The following ANKS1B variants were observed in gnomAD, a reference collection of about 807,000 sequenced individuals.
The protein encoded by ANKS1B is ankyrin repeat and sterile alpha motif domain-containing protein 1B.
Under a neutral mutation model 148.3 loss-of-function variants are expected in ANKS1B, and 36 were observed. The ratio of observed to expected loss-of-function variants is 0.24; its 90% confidence interval spans 0.19 to 0.32. The LOEUF (loss-of-function observed/expected upper bound fraction) is 0.32. Ranked by LOEUF, ANKS1B falls within the 10% of genes least tolerant of loss-of-function variation. The pLI, the probability that ANKS1B is intolerant of heterozygous loss-of-function variation, is 1.00. For synonymous variants in ANKS1B, 542 were observed against 560.8 expected, an observed-to-expected ratio of 0.97 and a Z score of 0.47; for missense variants, 1,157 against 1,542.6, an observed-to-expected ratio of 0.75 and a Z score of 4.19.
At chr12:99,586,083 G>A (rs552942698) in intron 9 of ANKS1B, among the ~76,000 whole-genome samples, 4 of 152,274 alleles carry the variant, frequency 2.6e-5, no homozygotes, top group African/African-American at 9.6e-5. Flanking sequence ...TCATCAGGCT[G>A]CAAATTTTCT....
At position 99,449,892 on chromosome 12, in the gene ANKS1B, CATCTATCTATCTATCTATCT is replaced by C. The variant is rs55765630; in HGVS notation, c.1439-6103_1439-6084del. 4.4e-3 allele frequency among the ~76,000 whole-genome samples: 654 copies of C among 147,968 alleles called. 4 individuals are homozygous for C. Among genetic ancestry groups the C allele is most frequent in the South Asian group, 0.017 (78 of 4,562 alleles). On this transcript the variant is annotated intron_variant, in intron 10 of 26. Transcript: ENST00000683438. ...AGAAATAGGACCAACAGGATCTATC[CATCTATCTATCTATCTATCT>C]ATCTATCTATCTATCTATCTATCTA...
chr12:98,924,530 GTCTC>G (rs145912176), intron 17 of ANKS1B, among the ~76,000 whole-genome samples: 2,035 of 152,164 alleles, frequency 0.013, 50 homozygotes, highest in African/African-American at 0.041. Flanking sequence ...GCCACCCTCT[GTCTC>G]TCTTTTTTGT....
rs2067661240 is a variant in ANKS1B, at chr12:99,806,614, G to A, written c.459C>T (p.Asp153=). 1 of 1,613,838 alleles carries A rather than the reference G, an allele frequency of 6.2e-7. No individual in the cohort carries two copies. Among genetic ancestry groups the A allele is most frequent in the African/African-American group, 1.3e-5 (1 of 74,918 alleles). The change falls in exon 4 of 27, where the codon GAC becomes GAT. Residue 153 remains aspartate, a synonymous_variant. Transcript: ENST00000683438. ...VVAVLLEELT[D]PTIRNSKLET... ...CCAGCTTGCTATTTCTAATTGTCGG[G>A]TCAGTGAGCTCTTCTAGGAGAACAG...
intron 16 of ANKS1B, chr12:99,079,982 C>A (rs2049108012): frequency 6.6e-6 from 1 of 152,298 alleles, no homozygotes; most frequent in African/African-American, 2.4e-5. Flanking sequence ...CACGAAGGGA[C>A]AACTGCGCAT....
intron 9 of ANKS1B, among the ~76,000 whole-genome samples, chr12:99,524,155 T>C (rs868523951): frequency 6.6e-6 from 1 of 152,160 alleles, no homozygotes; most frequent in South Asian, 2.1e-4. Flanking sequence ...CAAGAAAAAG[T>C]ATCCCCTGAA....
At position 99,246,566 on chromosome 12, in the gene ANKS1B, G is replaced by A. The variant is rs2073903523; in HGVS notation, c.2055C>T (p.Thr685=). ...HKKSNQLENH[T]IVGTRSTRSG... ...TCCTGGTTGATCTTGTGCCAACAAT[G>A]GTATGGTTTTCGAGTTGGTTGCTTT... The change falls in exon 13 of 27, where the codon ACC becomes ACT. Residue 685 remains threonine (T), a synonymous_variant. Transcript: ENST00000683438. 1 of 1,613,656 alleles carries A rather than the reference G, an allele frequency of 6.2e-7. No homozygotes were observed. The highest frequency in any genetic ancestry group is 1.3e-5 in the African/African-American group (1 of 74,898).
rs149616342 is a variant in ANKS1B at position 98,785,035 on chromosome 12, C to T, written c.3343-2898G>A. On this transcript the variant is annotated intron_variant, in intron 22 of 26. Transcript: ENST00000683438. ...GTGGGAAATCTTCTGGGTAGAGCCC[C>T]TCCTTGAAGGCATTTATACACCCTA... is the stretch of plus-strand genomic sequence containing the variant. Among the ~76,000 whole-genome samples, 1,173 of 152,310 alleles carry T rather than the reference C, an allele frequency of 7.7e-3. 7 individuals carry two copies. Among genetic ancestry groups the T allele is most frequent in the Middle Eastern group, 0.027 (8 of 294 alleles).
intron 14 of ANKS1B, among the ~76,000 whole-genome samples, chr12:99,196,415 T>A (rs1006022680): frequency 2.6e-5 from 4 of 152,256 alleles, no homozygotes; most frequent in Admixed American, 2.6e-4. Flanking sequence ...TAGTTCTAAT[T>A]TAACCATGCA....
At chr12:99,318,907 T>C (rs1253670377) in intron 12 of ANKS1B, among the ~76,000 whole-genome samples, 2 of 152,224 alleles carry the variant, frequency 1.3e-5, no homozygotes, top group Non-Finnish European at 2.9e-5. Context: ...CATCTTTATT[T>C]CTGCCTTCAT....
chr12:99,905,425 A>C (rs1248395766), intron 1 of ANKS1B, among the ~76,000 whole-genome samples: 1 of 152,220 alleles, frequency 6.6e-6, no homozygotes, highest in Non-Finnish European at 1.5e-5. Context: ...AGGGAAAGAC[A>C]TACCAAAGCA....
At chr12:99,201,834 G>A (rs1220881280) in intron 14 of ANKS1B, among the ~76,000 whole-genome samples, 1 of 152,088 alleles carries the variant, frequency 6.6e-6, no homozygotes, top group Non-Finnish European at 1.5e-5. Context: ...AAATAACTAG[G>A]CTGGTTATTT....
intron 12 of ANKS1B, among the ~76,000 whole-genome samples, chr12:99,375,814 A>G (rs2093366545): frequency 6.6e-6 from 1 of 152,192 alleles, no homozygotes; most frequent in African/African-American, 2.4e-5. Flanking sequence ...AAATGTACTA[A>G]CACAGACGAG....
chr12:99,254,294 T>C (rs982562826), intron 12 of ANKS1B, among the ~76,000 whole-genome samples: 7 of 152,194 alleles, frequency 4.6e-5, no homozygotes, highest in Middle Eastern at 3.2e-3. Context: ...CCAGGGATGC[T>C]TGGGGTCTCC....
chr12:99,801,732 G>GA (rs1303153210), intron 4 of ANKS1B, among the ~76,000 whole-genome samples: 1 of 152,044 alleles, frequency 6.6e-6, no homozygotes, highest in Non-Finnish European at 1.5e-5. Flanking sequence ...AGTTGAGAAA[G>GA]AAAAAACGTA....
rs576134557 is a variant in ANKS1B, at chr12:99,672,653, G to A, written c.1129-17443C>T. The stretch of plus-strand genomic sequence containing the variant: ...GCAGAAACAGATCATTCAGTGGACA[G>A]CACCTACAGAAACCTTCTCCAGTAA... On this transcript the variant is annotated intron_variant, in intron 8 of 26. Coordinates refer to ENST00000683438, the MANE Select transcript of ANKS1B (RefSeq NM_001352186.2). Among the ~76,000 whole-genome samples the A allele has an allele frequency of 3.4e-4, 52 of 152,264 alleles. 1 individual carries two copies. In the South Asian group the frequency reaches 0.011, roughly 31 times the overall value.
chr12:99,744,534 C>T (rs1336509937), intron 8 of ANKS1B, among the ~76,000 whole-genome samples: 1 of 152,198 alleles, frequency 6.6e-6, no homozygotes, highest in East Asian at 1.9e-4. Flanking sequence ...GCAAATATAA[C>T]ACTACAGCTA....
At chr12:98,851,052 A>G (rs1001621529) in intron 17 of ANKS1B, among the ~76,000 whole-genome samples, 1 of 152,210 alleles carries the variant, frequency 6.6e-6, no homozygotes, top group Non-Finnish European at 1.5e-5. Context: ...CTAAGTTCCT[A>G]CTGGCAGCTT....
intron 16 of ANKS1B, among the ~76,000 whole-genome samples, chr12:99,064,182 T>C (rs1184552986): frequency 6.6e-6 from 1 of 152,210 alleles, no homozygotes; most frequent in Non-Finnish European, 1.5e-5. Flanking sequence ...TACTACATTT[T>C]TGGGAAATAA....
rs200438395 is a variant in ANKS1B at position 99,806,885 on chromosome 12, AT to A, written c.373-186del. Among the ~76,000 whole-genome samples, 1,150 of 147,644 alleles carry A rather than the reference AT, an allele frequency of 7.8e-3. 18 individuals are homozygous for A. The highest frequency in any genetic ancestry group is 0.027 in the African/African-American group (1,101 of 40,064). On this transcript the variant is annotated intron_variant, in intron 3 of 26. Coordinates refer to ENST00000683438, the MANE Select transcript of ANKS1B (RefSeq NM_001352186.2). Reference sequence around the variant, plus strand: ...CTAGGATTCATTGAATCAAAAAAAAATTTTTTATATCACTTTAATCGAAAAC... The same window carrying A: ...CTAGGATTCATTGAATCAAAAAAAAATTTTTATATCACTTTAATCGAAAAC...
Sources: gnomAD v4.1 joint callset for allele counts (sites outside exome capture counted in the v4.1 genomes callset) on GRCh38, gnomAD v4.1.1 for gene constraint, MANE v1.5 for transcripts, NCBI Gene and HGNC (gene_info 2026-07-23, HGNC 2026-07-21) for gene names.